The following SMIM14 variants were observed in gnomAD, a reference collection of about 807,000 sequenced individuals.
SMIM14 encodes the protein small integral membrane protein 14, also known as chromosome 4 open reading frame 34.
A neutral mutation model predicts 12.6 loss-of-function variants in SMIM14; 5 were observed. The observed-to-expected ratio is 0.40, with a 90% confidence interval of 0.21 to 0.83. SMIM14 has a LOEUF of 0.83. Ranked by LOEUF, SMIM14 falls within the 40% of genes least tolerant of loss-of-function variation. The pLI is 0.37. For missense variants in SMIM14, 86 were observed against 119.1 expected (o/e 0.72, Z 1.29); for synonymous variants, 30 against 40.1 (o/e 0.75, Z 0.95).
chr4:39,597,430 C>T (rs1055871589), intron 2 of SMIM14, among the ~76,000 whole-genome samples: 1 of 150,252 alleles, frequency 6.7e-6, no homozygotes, highest in Non-Finnish European at 1.5e-5. Context: ...GTCATTGTCA[C>T]TGGTGGTATT....
intron 2 of SMIM14, among the ~76,000 whole-genome samples, chr4:39,599,579 T>C (rs1045909410): frequency 6.6e-6 from 1 of 152,130 alleles, no homozygotes; most frequent in Non-Finnish European, 1.5e-5. Flanking sequence ...GGATTCTGGA[T>C]GTATTTTTAA....
intron 2 of SMIM14, among the ~76,000 whole-genome samples, chr4:39,591,394 T>C (rs1312350624): frequency 1.3e-5 from 2 of 151,844 alleles, no homozygotes; most frequent in African/African-American, 4.8e-5. Context: ...AAAATGCAAC[T>C]GCATTAAGAA....
At position 39,619,942 on chromosome 4, in the gene SMIM14, A is replaced by G. The variant is rs1715419496; in HGVS notation, c.-35-14762T>C. On this transcript the variant is annotated intron_variant, in intron 1 of 4. Coordinates refer to ENST00000295958, the MANE Select transcript of SMIM14 (RefSeq NM_174921.3). ...TGGCCCACGCTAGAGTGCAATGGCA[A>G]TCATAGCTCACTGCAGCCTCAAACT... 2.0e-5 allele frequency among the ~76,000 whole-genome samples: 3 copies of G among 148,152 alleles called. No individual in the cohort carries two copies. In the Admixed American group the frequency reaches 2.1e-4, roughly 10 times the overall value.
At chr4:39,591,112 T>C (rs897099175) in intron 2 of SMIM14, among the ~76,000 whole-genome samples, 6 of 152,078 alleles carry the variant, frequency 3.9e-5, no homozygotes, top group Admixed American at 2.6e-4. Context: ...CATCCTCCCA[T>C]AGACAAATTG....
At chr4:39,589,562 A>G (rs1175519433) in intron 2 of SMIM14, 1 of 152,258 alleles carries the variant, frequency 6.6e-6, no homozygotes. Context: ...TCGCATTTCT[A>G]AATCCATCTG....
At chr4:39,573,078 TTTATTA>T (rs200155307) in intron 2 of SMIM14, among the ~76,000 whole-genome samples, 19 of 149,998 alleles carry the variant, frequency 1.3e-4, no homozygotes, top group Admixed American at 4.0e-4. Flanking sequence ...TGTTTTGGTT[TTTATTA>T]TTATTATTAT....
intron 2 of SMIM14, among the ~76,000 whole-genome samples, chr4:39,576,846 G>A (rs1335861924): frequency 6.7e-6 from 1 of 149,540 alleles, no homozygotes; most frequent in African/African-American, 2.5e-5. Context: ...CAGGGAGCTG[G>A]GATTACAGGC....
intron 2 of SMIM14, among the ~76,000 whole-genome samples, chr4:39,584,805 A>T (rs902721927): frequency 1.3e-5 from 2 of 149,840 alleles, no homozygotes; most frequent in South Asian, 4.2e-4. Context: ...AAAAAAAAAA[A>T]AAAAAAGAAA....
intron 3 of SMIM14, among the ~76,000 whole-genome samples, chr4:39,557,670 T>G (rs1422119918): frequency 6.6e-6 from 1 of 152,102 alleles, no homozygotes; most frequent in East Asian, 1.9e-4. Flanking sequence ...TGAAAAGCAC[T>G]CATGTATACC....
intron 1 of SMIM14, among the ~76,000 whole-genome samples, chr4:39,613,982 G>T (rs921880151): frequency 3.9e-5 from 6 of 152,024 alleles, no homozygotes; most frequent in Admixed American, 1.3e-4. Flanking sequence ...CCTGAGGTTA[G>T]GAGTTTGAGA....
chr4:39,607,891 GAA>G (rs1714872335), intron 1 of SMIM14, among the ~76,000 whole-genome samples: 1 of 152,040 alleles, frequency 6.6e-6, no homozygotes, highest in South Asian at 2.1e-4. Flanking sequence ...TTTATTCAAA[GAA>G]AATATACAAA....
At chr4:39,552,708 A>T (rs185723282) in intron 4 of SMIM14, among the ~76,000 whole-genome samples, 15 of 152,302 alleles carry the variant, frequency 9.8e-5, no homozygotes, top group Admixed American at 9.8e-4. Context: ...CTTTGATGAC[A>T]CTGTTGAAAC....
chr4:39,569,594 A>G (rs28475175), intron 3 of SMIM14, among the ~76,000 whole-genome samples: 18,863 of 152,090 alleles, frequency 0.12, 2,713 homozygotes, highest in African/African-American at 0.35. Flanking sequence ...TGGAGAAGCC[A>G]GGCACGGTGG....
At chr4:39,584,233 G>A (rs1298674427) in intron 2 of SMIM14, among the ~76,000 whole-genome samples, 1 of 151,652 alleles carries the variant, frequency 6.6e-6, no homozygotes, top group African/African-American at 2.4e-5. Flanking sequence ...TGTAATCCTC[G>A]AACTTTGGGA....
intron 1 of SMIM14, among the ~76,000 whole-genome samples, chr4:39,614,066 G>A (rs752903710): frequency 2.0e-5 from 3 of 151,496 alleles, no homozygotes; most frequent in South Asian, 4.2e-4. Context: ...GGTGGTGCAC[G>A]GCTGTAATCC....
At chr4:39,570,004 T>C (rs761111967) in intron 3 of SMIM14, among the ~76,000 whole-genome samples, 5 of 152,160 alleles carry the variant, frequency 3.3e-5, no homozygotes, top group Non-Finnish European at 7.4e-5. Context: ...TTTCCTATGT[T>C]CTGCCCTTTT....
chr4:39,637,657 G>C (rs1560314322), intron 1 of SMIM14, among the ~76,000 whole-genome samples: 1 of 151,794 alleles, frequency 6.6e-6, no homozygotes, highest in Non-Finnish European at 1.5e-5. Context: ...TGCTGTCGAC[G>C]GCCGCGGAGA....
intron 1 of SMIM14, among the ~76,000 whole-genome samples, chr4:39,614,266 G>A (rs1040038333): frequency 1.3e-5 from 2 of 150,866 alleles, no homozygotes; most frequent in Non-Finnish European, 3.0e-5. Flanking sequence ...GAAATAAAAC[G>A]GACAATAAGT....
At chr4:39,615,379 A>G (rs1037914559) in intron 1 of SMIM14, among the ~76,000 whole-genome samples, 8 of 152,262 alleles carry the variant, frequency 5.3e-5, no homozygotes, top group African/African-American at 1.9e-4. Context: ...AGAACTTTAA[A>G]AAATAAATAA....
Sources: allele counts gnomAD v4.1 joint callset (sites outside exome capture counted in the v4.1 genomes callset), GRCh38; gene constraint gnomAD v4.1.1; transcripts MANE v1.5; gene names NCBI Gene and HGNC (gene_info 2026-07-23, HGNC 2026-07-21).